The following KLF12 variants were observed in gnomAD, a reference collection of about 807,000 sequenced individuals.
KLF12 encodes the protein Krueppel-like factor 12.
Under a neutral mutation model 37.8 loss-of-function variants are expected in KLF12, and 9 were observed. The observed-to-expected ratio is 0.24, with a 90% CI of 0.14 to 0.42. The LOEUF (loss-of-function observed/expected upper bound fraction) is 0.42, where lower values mean the gene tolerates loss of function less well. Ranked by LOEUF, KLF12 falls within the 10% of genes least tolerant of loss-of-function variation. KLF12 has a pLI of 1.00. For missense variants in KLF12, 411 were observed against 516.0 expected (o/e 0.80, Z 1.97); for synonymous variants, 208 against 202.1 (o/e 1.03, Z -0.25).
chr13:74,203,818 G>T, the KLF12 span, among the ~76,000 whole-genome samples: 11 of 152,100 alleles, frequency 7.2e-5, no homozygotes, highest in Non-Finnish European at 1.5e-5. Flanking sequence ...CATTCCCATT[G>T]ACCAATATAG....
intron 3 of KLF12, among the ~76,000 whole-genome samples, chr13:73,871,099 T>A (rs1246833372): frequency 1.3e-5 from 2 of 152,212 alleles, no homozygotes; most frequent in African/African-American, 2.4e-5. Flanking sequence ...CAGTGAGATG[T>A]TCTCATTTAA....
the KLF12 span, among the ~76,000 whole-genome samples, chr13:74,208,830 G>C: frequency 6.6e-6 from 1 of 152,002 alleles, no homozygotes; most frequent in South Asian, 2.1e-4. Context: ...CTTTAAAAAA[G>C]AAACACTTCT....
At chr13:74,279,924 G>T in the KLF12 span, among the ~76,000 whole-genome samples, 40 of 152,272 alleles carry the variant, frequency 2.6e-4, no homozygotes, top group African/African-American at 9.4e-4. Flanking sequence ...GTCTCTAAGA[G>T]CAGAGGGATG....
At chr13:73,979,354 A>AC (rs1891628422) in intron 2 of KLF12, among the ~76,000 whole-genome samples, 3 of 139,706 alleles carry the variant, frequency 2.1e-5, no homozygotes, top group Non-Finnish European at 4.6e-5. Context: ...TCTGCTTTTA[A>AC]ACACACACAC....
At chr13:74,300,142 G>A in the KLF12 span, among the ~76,000 whole-genome samples, 1 of 151,976 alleles carries the variant, frequency 6.6e-6, no homozygotes, top group African/African-American at 2.4e-5. Context: ...AGGAACTTAC[G>A]CAGAAAAAAT....
chr13:73,907,015 T>C (rs1482865975), intron 3 of KLF12, among the ~76,000 whole-genome samples: 1 of 152,186 alleles, frequency 6.6e-6, no homozygotes, highest in African/African-American at 2.4e-5. Flanking sequence ...GCTCATCTGT[T>C]CTATTTTGGT....
At chr13:73,888,327 C>T (rs1346162399) in intron 3 of KLF12, among the ~76,000 whole-genome samples, 1 of 152,068 alleles carries the variant, frequency 6.6e-6, no homozygotes, top group African/African-American at 2.4e-5. Flanking sequence ...AATTTCTAAA[C>T]AAAAATACTT....
At chr13:74,125,241 G>A (rs1181180937) in intron 1 of KLF12, among the ~76,000 whole-genome samples, 2 of 151,446 alleles carry the variant, frequency 1.3e-5, no homozygotes, top group African/African-American at 4.9e-5. Context: ...CATACACACT[G>A]TTTATATAAC....
intron 3 of KLF12, among the ~76,000 whole-genome samples, chr13:73,931,371 C>T (rs1277312582): frequency 1.3e-5 from 2 of 152,074 alleles, no homozygotes; most frequent in Non-Finnish European, 2.9e-5. Context: ...AGCTCTCAGA[C>T]ACATTTCTAC....
the KLF12 span, among the ~76,000 whole-genome samples, chr13:74,152,493 T>C: frequency 6.6e-6 from 1 of 152,212 alleles, no homozygotes; most frequent in Non-Finnish European, 1.5e-5. Context: ...CTAGTACTTT[T>C]GTGCCACCTG....
At chr13:73,749,112 T>C (rs781329944) in intron 6 of KLF12, among the ~76,000 whole-genome samples, 113 of 152,276 alleles carry the variant, frequency 7.4e-4, no homozygotes, top group Non-Finnish European at 5.9e-4. Context: ...GGCCCTCAGC[T>C]TGCTACAATC....
intron 6 of KLF12, among the ~76,000 whole-genome samples, chr13:73,748,159 T>C (rs1878500379): frequency 6.6e-6 from 1 of 152,180 alleles, no homozygotes; most frequent in South Asian, 2.1e-4. Context: ...TGGGAGCAAA[T>C]TACTGATTCC....
At chr13:73,817,084 A>G (rs1321580840) in intron 4 of KLF12, among the ~76,000 whole-genome samples, 1 of 152,154 alleles carries the variant, frequency 6.6e-6, no homozygotes, top group Non-Finnish European at 1.5e-5. Flanking sequence ...TAGGAGGCTG[A>G]GGCAGGAGGA....
the KLF12 span, among the ~76,000 whole-genome samples, chr13:74,172,698 A>T: frequency 6.6e-6 from 1 of 152,226 alleles, no homozygotes; most frequent in African/African-American, 2.4e-5. Flanking sequence ...TTCATTGGCC[A>T]GAATGCATCA....
At chr13:74,087,670 A>T (rs1024433573) in intron 1 of KLF12, among the ~76,000 whole-genome samples, 3 of 152,168 alleles carry the variant, frequency 2.0e-5, no homozygotes, top group Non-Finnish European at 4.4e-5. Context: ...TAGCCATATG[A>T]TTCCAAGCAT....
At chr13:74,107,316 G>C (rs964192533) in intron 1 of KLF12, among the ~76,000 whole-genome samples, 1 of 152,108 alleles carries the variant, frequency 6.6e-6, no homozygotes, top group African/African-American at 2.4e-5. Flanking sequence ...TTCCCAGTTC[G>C]GTTTCTAACT....
the KLF12 span, among the ~76,000 whole-genome samples, chr13:74,189,691 G>T: frequency 6.6e-6 from 1 of 152,138 alleles, no homozygotes; most frequent in East Asian, 1.9e-4. Context: ...TATCTTTCCA[G>T]AGATATTTCA....
Position 73,689,093 on chromosome 13 carries a change from G to C in KLF12, c.*6397C>G, listed in dbSNP as rs1361969003. The C allele has an allele frequency of 2.0e-5, 3 of 152,068 alleles. No individual in the cohort carries two copies. The highest frequency in any genetic ancestry group is 2.0e-4 in the Admixed American group (3 of 15,254). The allele number at this position is 152,068 out of a possible 1,614,324, so 9.4% of individuals were successfully genotyped here. On this transcript the variant is annotated 3_prime_UTR_variant, in exon 8 of 8. Coordinates refer to ENST00000377669, the MANE Select transcript of KLF12 (RefSeq NM_007249.5). The stretch of plus-strand genomic sequence containing the variant: ...AGAATAGCTATTATCTTCATGGTTT[G>C]CTGAATGTGTAACCTTTCAAGGTAC...
intron 7 of KLF12, among the ~76,000 whole-genome samples, chr13:73,713,579 G>C (rs1310750974): frequency 6.6e-6 from 1 of 152,208 alleles, no homozygotes; most frequent in Non-Finnish European, 1.5e-5. Context: ...CTGACCCTTA[G>C]AGTCTGTGAT....
Sources: gnomAD v4.1 joint callset for allele counts (sites outside exome capture counted in the v4.1 genomes callset) on GRCh38, gnomAD v4.1.1 for gene constraint, MANE v1.5 for transcripts, NCBI Gene and HGNC (gene_info 2026-07-23, HGNC 2026-07-21) for gene names.